Variants in IPO11 observed in about 807,000 individuals in gnomAD.
IPO11 encodes the protein importin 11.
A neutral mutation model predicts 143.2 loss-of-function variants in IPO11; 66 were observed. The ratio of observed to expected loss-of-function variants is 0.46; its 90% CI spans 0.38 to 0.57. The LOEUF (loss-of-function observed/expected upper bound fraction) is 0.57, where lower values mean the gene tolerates loss of function less well. IPO11 is among the 20% of genes least tolerant of loss of function. The pLI is 0.00. For synonymous variants in IPO11, 385 were observed against 377.8 expected, an observed-to-expected ratio of 1.02 and a Z score of -0.22; for missense variants, 1,026 against 1,141.0, an observed-to-expected ratio of 0.90 and a Z score of 1.45.
rs145812945 is a variant in IPO11, at chr5:62,552,937, CACTT to C, written c.2460+1605_2460+1608del. On this transcript the variant is annotated intron_variant, in intron 26 of 29. Coordinates refer to ENST00000325324, the MANE Select transcript of IPO11 (RefSeq NM_016338.5). ...TAATTGACATATCTGTCACCCCAAA[CACTT>C]ACTATTTCTCTGTATTGGGAACATA... Among the ~76,000 whole-genome samples, 1,315 of 152,250 alleles carry C rather than the reference CACTT, an allele frequency of 8.6e-3. 12 individuals carry two copies. Among genetic ancestry groups the C allele is most frequent in the South Asian group, 0.032 (153 of 4,832 alleles).
intron 19 of IPO11, among the ~76,000 whole-genome samples, chr5:62,514,601 G>C (rs1220947165): frequency 9.0e-6 from 1 of 110,738 alleles, no homozygotes; most frequent in Non-Finnish European, 1.9e-5. Flanking sequence ...GGGAGAGGGA[G>C]ACGGGAGAGG....
chr5:62,464,043 C>T (rs1204596621), intron 5 of IPO11, among the ~76,000 whole-genome samples: 1 of 151,064 alleles, frequency 6.6e-6, no homozygotes, highest in Non-Finnish European at 1.5e-5. Flanking sequence ...AGGCTGGTCT[C>T]GAACTCCTGA....
intron 4 of IPO11, among the ~76,000 whole-genome samples, chr5:62,450,658 C>T (rs1453771440): frequency 9.9e-6 from 1 of 100,632 alleles, no homozygotes; most frequent in South Asian, 3.9e-4. Context: ...AACTTCCCCA[C>T]CATTTAAAAA....
intron 27 of IPO11, among the ~76,000 whole-genome samples, chr5:62,587,150 A>G (rs552096662): frequency 3.3e-5 from 5 of 152,152 alleles, no homozygotes; most frequent in African/African-American, 9.6e-5. Flanking sequence ...AGTCTTGAAG[A>G]TAATGGTTTT....
rs574226322 is a variant in IPO11 at position 62,567,788 on chromosome 5, C to T, written c.2582+6531C>T. 3.3e-5 allele frequency among the ~76,000 whole-genome samples: 5 copies of T among 151,814 alleles called. No individual in the cohort carries two copies. In the East Asian group the frequency reaches 7.7e-4, roughly 24 times the overall value. The stretch of plus-strand genomic sequence containing the variant: ...TGTTGGTCAGGCTGGTCTCAAACTC[C>T]TGACCTAAGGTGATCCGCCCACCTC... On this transcript the variant is annotated intron_variant, in intron 27 of 29. Transcript: ENST00000325324.
intron 27 of IPO11, chr5:62,580,478 C>A: frequency 6.4e-7 from 1 of 1,551,330 alleles, no homozygotes; most frequent in Non-Finnish European, 8.7e-7. Flanking sequence ...GTCCTTAAGC[C>A]GTTGTCTTCA....
chr5:62,545,416 A>T (rs1239539099), intron 24 of IPO11, among the ~76,000 whole-genome samples: 2 of 152,196 alleles, frequency 1.3e-5, no homozygotes, highest in East Asian at 3.8e-4. Context: ...CTGAAACTGG[A>T]TCCCTTCCTT....
chr5:62,463,474 G>GGA (rs1368346038), intron 5 of IPO11, among the ~76,000 whole-genome samples: 1 of 151,624 alleles, frequency 6.6e-6, no homozygotes, highest in Non-Finnish European at 1.5e-5. Flanking sequence ...GACCAGGCTG[G>GGA]GCAACACAGT....
At chr5:62,548,575 A>G (rs1233417419) in intron 24 of IPO11, among the ~76,000 whole-genome samples, 1 of 152,174 alleles carries the variant, frequency 6.6e-6, no homozygotes, top group Non-Finnish European at 1.5e-5. Context: ...TCAGTTGTCC[A>G]GATACTACAG....
chr5:62,543,158 T>TG (rs1161714967), intron 24 of IPO11, among the ~76,000 whole-genome samples: 1 of 152,214 alleles, frequency 6.6e-6, no homozygotes, highest in African/African-American at 2.4e-5. Context: ...TTAGGATCCA[T>TG]GCGTTTAATC....
chr5:62,570,802 T>C (rs1487268710), intron 27 of IPO11, among the ~76,000 whole-genome samples: 2 of 152,222 alleles, frequency 1.3e-5, no homozygotes, highest in East Asian at 3.8e-4. Context: ...TGAGTGCGCT[T>C]AGCTAATCAC....
chr5:62,443,079 C>G lies in IPO11; in HGVS notation c.235C>G (p.Pro79Ala), dbSNP rs1396777299. The change falls in exon 3 of 30, where the codon CCT becomes GCT. Residue 79 changes from proline (P) to alanine (A), a missense_variant. Pro to Ala is a conservative substitution (Grantham distance 27, BLOSUM62 -1). Transcript: ENST00000325324. ...GIDRYWRRVA[P>A]HALSEEEKTT... ...TGATCGCTACTGGAGACGTGTAGCACCTCAGTAAGTTCCATCACTTCCCCT... is the reference window on the plus strand; with the variant it reads ...TGATCGCTACTGGAGACGTGTAGCAGCTCAGTAAGTTCCATCACTTCCCCT... 1.3e-6 allele frequency: 2 copies of G among 1,592,400 alleles called. No homozygotes were observed. Among genetic ancestry groups the G allele is most frequent in the African/African-American group, 1.3e-5 (1 of 74,226 alleles).
intron 1 of IPO11, among the ~76,000 whole-genome samples, chr5:62,434,800 G>A (rs375487866): frequency 1.3e-4 from 19 of 151,942 alleles, no homozygotes; most frequent in South Asian, 1.0e-3. Context: ...CGAGGCAGGC[G>A]GATCATTTGA....
chr5:62,533,600 GT>G (rs1415057270), intron 22 of IPO11, among the ~76,000 whole-genome samples: 1 of 152,080 alleles, frequency 6.6e-6, no homozygotes, highest in African/African-American at 2.4e-5. Context: ...AATGAATACT[GT>G]TTTTGTATGT....
chr5:62,620,605 T>C (rs1746320163), intron 29 of IPO11, among the ~76,000 whole-genome samples: 1 of 151,958 alleles, frequency 6.6e-6, no homozygotes, highest in Admixed American at 6.6e-5. Context: ...TTGGTAGATT[T>C]AAATTTTTCT....
At chr5:62,583,322 C>T (rs1744638990) in intron 27 of IPO11, among the ~76,000 whole-genome samples, 1 of 152,108 alleles carries the variant, frequency 6.6e-6, no homozygotes, top group African/African-American at 2.4e-5. Flanking sequence ...ACCACCTAAA[C>T]CGTACCCTCT....
At chr5:62,523,661 G>C (rs1742272849) in intron 20 of IPO11, among the ~76,000 whole-genome samples, 1 of 152,176 alleles carries the variant, frequency 6.6e-6, no homozygotes. Context: ...TAGGTAGATA[G>C]TGATTCATGT....
At chr5:62,610,993 C>G (rs577084781) in intron 29 of IPO11, among the ~76,000 whole-genome samples, 1 of 152,114 alleles carries the variant, frequency 6.6e-6, no homozygotes, top group African/African-American at 2.4e-5. Context: ...CACATTCTAC[C>G]TGCTTCTCTA....
At chr5:62,596,632 C>A (rs1340637744) in intron 28 of IPO11, among the ~76,000 whole-genome samples, 1 of 152,152 alleles carries the variant, frequency 6.6e-6, no homozygotes, top group Admixed American at 6.6e-5. Context: ...ACCCACTGAA[C>A]GGCTCTTCAG....
Sources: allele counts gnomAD v4.1 joint callset (sites outside exome capture counted in the v4.1 genomes callset), GRCh38; gene constraint gnomAD v4.1.1; transcripts MANE v1.5; gene names NCBI Gene and HGNC (gene_info 2026-07-23, HGNC 2026-07-21).